Variants in ABL1 observed in about 807,000 individuals in gnomAD.
ABL1 encodes ABL proto-oncogene 1, non-receptor tyrosine kinase.
In ABL1, 11 loss-of-function variants were observed where a neutral mutation model predicts 94.7. That is an observed-to-expected ratio of 0.12 (90% CI 0.07 to 0.19). The LOEUF (loss-of-function observed/expected upper bound fraction) is 0.19. Ranked by LOEUF, ABL1 falls within the 10% of genes least tolerant of loss-of-function variation. The pLI is 1.00. For synonymous variants in ABL1, 656 were observed against 622.4 expected, an observed-to-expected ratio of 1.05 and a Z score of -0.80; for missense variants, 1,082 against 1,489.4, an observed-to-expected ratio of 0.73 and a Z score of 4.50.
chr9:130,856,569 CAA>C (rs1830979492), intron 3 of ABL1, among the ~76,000 whole-genome samples: 1 of 152,090 alleles, frequency 6.6e-6, no homozygotes, highest in African/African-American at 2.4e-5. Context: ...TAAAAAAAAT[CAA>C]AAGAACAAAA....
intron 1 of ABL1, among the ~76,000 whole-genome samples, chr9:130,812,512 A>G (rs1476885307): frequency 1.3e-5 from 2 of 152,196 alleles, no homozygotes; most frequent in Non-Finnish European, 2.9e-5. Flanking sequence ...AGATGTTAAT[A>G]TGTTAACATT....
intron 1 of ABL1, among the ~76,000 whole-genome samples, chr9:130,752,978 T>TG (rs1831985734): frequency 1.4e-5 from 2 of 142,656 alleles, no homozygotes; most frequent in Admixed American, 1.4e-4. Context: ...AAAAAAGGGC[T>TG]GGGCGCAGTG....
chr9:130,714,433 C>T (rs145422178), exon 1 of ABL1: 2 of 1,614,186 alleles, frequency 1.2e-6, no homozygotes, highest in Non-Finnish European at 8.5e-7. Flanking sequence ...GGGGTCCACA[C>T]TGCAATGTTT....
At chr9:130,853,830 G>A (rs891386875) in intron 1 of ABL1, among the ~76,000 whole-genome samples, 2 of 152,082 alleles carry the variant, frequency 1.3e-5, no homozygotes, top group Non-Finnish European at 2.9e-5. Context: ...TCAAACTATT[G>A]GGGAACAATA....
intron 1 of ABL1, among the ~76,000 whole-genome samples, chr9:130,797,236 GAAAAAAAAAAAAAAA>G (rs71389356): frequency 1.3e-4 from 7 of 55,168 alleles, no homozygotes; most frequent in African/African-American, 3.0e-4. Context: ...ACTCCATCTC[GAAAAAAAAAAAAAAA>G]AAAAAAAAAA....
intron 1 of ABL1, among the ~76,000 whole-genome samples, chr9:130,792,942 T>G (rs899777810): frequency 2.0e-5 from 3 of 152,192 alleles, no homozygotes; most frequent in Non-Finnish European, 4.4e-5. Context: ...TTTTTATTTT[T>G]GAGATGGATT....
At chr9:130,787,418 C>G (rs375961351) in intron 1 of ABL1, among the ~76,000 whole-genome samples, 5 of 152,198 alleles carry the variant, frequency 3.3e-5, no homozygotes, top group East Asian at 1.9e-4. Flanking sequence ...CCCCCCAACC[C>G]CACCCGAAGC....
At chr9:130,784,537 T>C (rs546743667) in intron 1 of ABL1, among the ~76,000 whole-genome samples, 158 of 152,336 alleles carry the variant, frequency 1.0e-3, no homozygotes, top group Middle Eastern at 3.4e-3. Flanking sequence ...CCATCCCCCA[T>C]TAAAAACCAG....
chr9:130,883,028 G>T (rs973280384), intron 10 of ABL1, among the ~76,000 whole-genome samples: 2 of 152,092 alleles, frequency 1.3e-5, no homozygotes, highest in Non-Finnish European at 2.9e-5. Context: ...GCACCCAAGC[G>T]TCTGGGCTCA....
At chr9:130,723,648 G>A (rs1831542983) in intron 1 of ABL1, among the ~76,000 whole-genome samples, 1 of 151,834 alleles carries the variant, frequency 6.6e-6, no homozygotes, top group Non-Finnish European at 1.5e-5. Flanking sequence ...TTACATCTCT[G>A]GTCCTCATTA....
chr9:130,835,135 G>A, upstream of ABL1: 1 of 233,670 alleles, frequency 4.3e-6, no homozygotes, highest in Non-Finnish European at 8.7e-6. The surrounding 1 kb of genome is among the most constrained non-coding windows in gnomAD (Gnocchi z 4.6). Flanking sequence ...TTTGGGCCGG[G>A]CTCGGCCTCG....
intron 1 of ABL1, among the ~76,000 whole-genome samples, chr9:130,771,195 A>G (rs993579923): frequency 6.6e-6 from 1 of 151,952 alleles, no homozygotes; most frequent in Non-Finnish European, 1.5e-5. Context: ...AGTATTAGGC[A>G]TGGAGTTGAT....
intron 1 of ABL1, among the ~76,000 whole-genome samples, chr9:130,797,119 C>T (rs1291579265): frequency 6.0e-5 from 9 of 150,312 alleles, no homozygotes; most frequent in Non-Finnish European, 1.0e-4. Flanking sequence ...GCCTGTAATC[C>T]CAGCTACTTG....
chr9:130,834,897 C>T, upstream of ABL1: 1 of 456,004 alleles, frequency 2.2e-6, no homozygotes, highest in South Asian at 1.5e-5. Context: ...GAGGGTTTGC[C>T]TGGCACCGCG....
rs765093917 is a variant in ABL1, at chr9:130,835,347, G to A, written c.-100G>A. 2.6e-6 allele frequency: 1 copy of A among 381,418 alleles called. No homozygotes were observed. Among genetic ancestry groups the A allele is most frequent in the Non-Finnish European group, 2.9e-6 (1 of 346,458 alleles). 23.6% of individuals were successfully genotyped at this position (381,418 alleles called of 1,614,324 possible). A position where few individuals can be genotyped will look rare whatever the true frequency, so the allele number is the denominator to read the frequency against. On this transcript the variant is annotated 5_prime_UTR_variant, in exon 1 of 11. Coordinates refer to ENST00000318560, the MANE Select transcript of ABL1 (RefSeq NM_005157.6). The surrounding 1 kb of genome is among the most constrained non-coding windows in gnomAD (Gnocchi z 4.6). ...GGCGGTGAGGGCGGCTGGCGGGGCC[G>A]GGGGCGCCGGGGGGGCGCGCGGGCC...
At chr9:130,821,958 G>A (rs189142521) in intron 1 of ABL1, among the ~76,000 whole-genome samples, 2,500 of 151,746 alleles carry the variant, frequency 0.016, 59 homozygotes, top group African/African-American at 0.058. Flanking sequence ...TCCCGCCTCA[G>A]CCTCCCAAGT....
At chr9:130,841,955 G>C (rs1326598949) in intron 1 of ABL1, among the ~76,000 whole-genome samples, 1 of 150,810 alleles carries the variant, frequency 6.6e-6, no homozygotes, top group Non-Finnish European at 1.5e-5. Flanking sequence ...AGAGAGGGAG[G>C]GAGGAAGGGG....
At chr9:130,746,794 A>T (rs533860214) in intron 1 of ABL1, among the ~76,000 whole-genome samples, 1 of 152,056 alleles carries the variant, frequency 6.6e-6, no homozygotes, top group African/African-American at 2.4e-5. Flanking sequence ...CTTAGCATAT[A>T]CTCTTCCTCT....
chr9:130,775,059 A>G (rs960353179), intron 1 of ABL1, among the ~76,000 whole-genome samples: 2 of 152,192 alleles, frequency 1.3e-5, no homozygotes, highest in Non-Finnish European at 2.9e-5. Context: ...AGTTTGTGAA[A>G]TTCCAAGAAG....
Sources: allele counts gnomAD v4.1 joint callset (sites outside exome capture counted in the v4.1 genomes callset), GRCh38; gene constraint gnomAD v4.1.1; non-coding constraint Gnocchi (gnomAD v3.1); transcripts MANE v1.5; gene names NCBI Gene and HGNC (gene_info 2026-07-23, HGNC 2026-07-21).